Variants in LRRC7 observed in about 807,000 individuals in gnomAD.
The protein encoded by LRRC7 is leucine-rich repeat-containing protein 7.
In LRRC7, 23 loss-of-function variants were observed where a neutral mutation model predicts 175.7. That is an observed-to-expected ratio of 0.13 (90% CI 0.09 to 0.19). The LOEUF (loss-of-function observed/expected upper bound fraction) is 0.19. LRRC7 is among the 10% of genes least tolerant of loss of function. The pLI, the probability that LRRC7 is intolerant of heterozygous loss-of-function variation, is 1.00. For missense variants in LRRC7, 1,354 were observed against 1,904.7 expected (o/e 0.71, Z 5.38); for synonymous variants, 685 against 680.9 (o/e 1.01, Z -0.09).
At chr1:69,935,136 G>A (rs1453451590) in intron 8 of LRRC7, among the ~76,000 whole-genome samples, 1 of 152,152 alleles carries the variant, frequency 6.6e-6, no homozygotes, top group Non-Finnish European at 1.5e-5. Flanking sequence ...GTGGCAATGG[G>A]TAGCAGGGAA....
chr1:69,821,795 T>C (rs1252258612), intron 4 of LRRC7, among the ~76,000 whole-genome samples: 5 of 152,056 alleles, frequency 3.3e-5, no homozygotes, highest in Non-Finnish European at 7.4e-5. Flanking sequence ...CTCGGGAGGC[T>C]GAGGCAGGAT....
intron 9 of LRRC7, among the ~76,000 whole-genome samples, chr1:69,982,020 G>A (rs2101890820): frequency 6.6e-6 from 1 of 152,310 alleles, no homozygotes; most frequent in East Asian, 1.9e-4. Context: ...GCTGTTGACT[G>A]TAAAGCTCCC....
chr1:69,810,820 C>T (rs1437710309), intron 4 of LRRC7, among the ~76,000 whole-genome samples: 3 of 152,100 alleles, frequency 2.0e-5, no homozygotes, highest in African/African-American at 7.2e-5. Context: ...CATAAAAACC[C>T]TAGAAGAAAA....
At chr1:69,932,089 C>A (rs1300641427) in intron 8 of LRRC7, among the ~76,000 whole-genome samples, 3 of 152,306 alleles carry the variant, frequency 2.0e-5, no homozygotes, top group Non-Finnish European at 2.9e-5. Flanking sequence ...GCAAGACTGG[C>A]AGAATTCTGC....
At chr1:70,106,146 A>G (rs1029150906) in intron 25 of LRRC7, among the ~76,000 whole-genome samples, 11 of 152,348 alleles carry the variant, frequency 7.2e-5, no homozygotes, top group Admixed American at 5.9e-4. Context: ...ATAAAAAACT[A>G]TTAACAGTTA....
intron 8 of LRRC7, among the ~76,000 whole-genome samples, chr1:69,945,843 C>A (rs963467549): frequency 1.3e-5 from 2 of 152,124 alleles, no homozygotes; most frequent in African/African-American, 4.8e-5. Context: ...TTGTATCCCA[C>A]AACTTTACTG....
chr1:70,138,468 G>T lies in LRRC7; in HGVS notation c.*16581G>T, dbSNP rs572785897. ...TAGAAAGCAATAAATATTCTAAAAT[G>T]AGGGATATTGGTCCTTTTGTGACTG... On this transcript the variant is annotated 3_prime_UTR_variant, in exon 27 of 27. Transcript: ENST00000651989. 13 of 152,238 alleles carry T rather than the reference G, an allele frequency of 8.5e-5. No individual in the cohort carries two copies. In the South Asian group the frequency reaches 2.5e-3, roughly 29 times the overall value. The allele number at this position is 152,238 out of a possible 1,614,324, so 9.4% of individuals were successfully genotyped here. A position where few individuals can be genotyped will look rare whatever the true frequency, so the allele number is the denominator to read the frequency against.
At position 69,816,500 on chromosome 1, in the gene LRRC7, G is replaced by T. The variant is rs74609314; in HGVS notation, c.422-9248G>T. 2.9e-3 allele frequency among the ~76,000 whole-genome samples: 444 copies of T among 152,208 alleles called. 9 individuals are homozygous for T. The East Asian group carries it at 0.052, about 18-fold the overall frequency. On this transcript the variant is annotated intron_variant, in intron 4 of 26. Coordinates refer to ENST00000651989, the MANE Select transcript of LRRC7 (RefSeq NM_001370785.2). ...CCAAAAGTTGTTTTAGCAATTGCAT[G>T]GTTTTATGGGCATTTCTTATCTCTA...
intron 4 of LRRC7, among the ~76,000 whole-genome samples, chr1:69,821,060 G>T (rs1258404727): frequency 6.6e-6 from 1 of 152,148 alleles, no homozygotes; most frequent in Admixed American, 6.5e-5. Context: ...CATTCTAACT[G>T]GTGTGAGACA....
intron 2 of LRRC7, among the ~76,000 whole-genome samples, chr1:69,725,586 A>G (rs757899015): frequency 3.9e-5 from 6 of 152,240 alleles, no homozygotes; most frequent in Admixed American, 1.3e-4. Flanking sequence ...CAGATTCTGT[A>G]TAGGTACGAA....
intron 1 of LRRC7, among the ~76,000 whole-genome samples, chr1:69,603,445 CA>C (rs1647162546): frequency 6.6e-6 from 1 of 152,234 alleles, no homozygotes; most frequent in South Asian, 2.1e-4. Flanking sequence ...AAGTATTTTG[CA>C]AATAATTTAG....
chr1:69,803,103 G>A (rs1676712932), intron 4 of LRRC7, among the ~76,000 whole-genome samples: 1 of 151,180 alleles, frequency 6.6e-6, no homozygotes, highest in Non-Finnish European at 1.5e-5. Flanking sequence ...TATTCATCCT[G>A]CTCCATTGCC....
At position 70,039,743 on chromosome 1, in the gene LRRC7, G is replaced by C; in HGVS notation, c.3919G>C (p.Asp1307His). The C allele has an allele frequency of 6.2e-7, 1 of 1,612,876 alleles. No individual in the cohort carries two copies. The highest frequency in any genetic ancestry group is 8.5e-7 in the Non-Finnish European group (1 of 1,179,504). ...GEESCGKMPA[D>H]WRQQLLRHIE... ...GGAGAGCTGTGGTAAAATGCCTGCA[G>C]ACTGGAGACAACAGCTGCTTAGACA... The change falls in exon 21 of 27, where the codon GAC (aspartate) becomes CAC (histidine). Residue 1307 changes from aspartate to histidine, a missense_variant. By Grantham distance (81) the Asp-to-His change is moderately conservative. Coordinates refer to ENST00000651989, the MANE Select transcript of LRRC7 (RefSeq NM_001370785.2).
intron 4 of LRRC7, among the ~76,000 whole-genome samples, chr1:69,823,855 A>G (rs1353558412): frequency 1.3e-5 from 2 of 152,132 alleles, no homozygotes; most frequent in Non-Finnish European, 2.9e-5. Flanking sequence ...TCATATAATC[A>G]CTATTTTTCA....
In LRRC7 at chr1:70,124,002, CTTCT is replaced by C. The variant is rs1351623276; in HGVS notation, c.*2116_*2119del. ...ATCAAACCCAGGGCTTCAGGAGATC[CTTCT>C]AAGACACACAGCTGAAAGGATCATA... On this transcript the variant is annotated 3_prime_UTR_variant, in exon 27 of 27. Transcript: ENST00000651989. Among the ~76,000 whole-genome samples, 2 of 152,180 alleles carry C rather than the reference CTTCT, an allele frequency of 1.3e-5. No individual in the cohort carries two copies. Among genetic ancestry groups the C allele is most frequent in the Non-Finnish European group, 2.9e-5 (2 of 68,014 alleles).
Position 69,956,284 on chromosome 1 carries a change from T to A in LRRC7, c.712-24095T>A, listed in dbSNP as rs1010213226. ...CTCTGTCCATTAACCTATATCAACA[T>A]TTTGTCTGAGATAATATTATAGTAA... is the stretch of plus-strand genomic sequence containing the variant. On this transcript the variant is annotated intron_variant, in intron 8 of 26. Coordinates refer to ENST00000651989, the MANE Select transcript of LRRC7 (RefSeq NM_001370785.2). 4.6e-5 allele frequency among the ~76,000 whole-genome samples: 7 copies of A among 151,882 alleles called. No individual in the cohort carries two copies. The Admixed American group carries it at 4.6e-4, about 10-fold the overall frequency.
chr1:69,625,434 TAA>T (rs1651343017), intron 1 of LRRC7, among the ~76,000 whole-genome samples: 1 of 148,238 alleles, frequency 6.7e-6, no homozygotes, highest in Non-Finnish European at 1.5e-5. Flanking sequence ...TGGGTTTTAT[TAA>T]TTATCTGCAC....
chr1:69,942,316 C>T (rs1000679401), intron 8 of LRRC7, among the ~76,000 whole-genome samples: 2 of 151,962 alleles, frequency 1.3e-5, no homozygotes, highest in South Asian at 2.1e-4. Flanking sequence ...CACCATAGGA[C>T]GTGATAGAAA....
chr1:69,692,144 A>T (rs1661970394), intron 2 of LRRC7, among the ~76,000 whole-genome samples: 1 of 152,040 alleles, frequency 6.6e-6, no homozygotes, highest in Non-Finnish European at 1.5e-5. Context: ...TTTTTGGGGA[A>T]CTCCTGCTAC....
Sources: allele counts gnomAD v4.1 joint callset (sites outside exome capture counted in the v4.1 genomes callset), GRCh38; gene constraint gnomAD v4.1.1; transcripts MANE v1.5; gene names NCBI Gene and HGNC (gene_info 2026-07-23, HGNC 2026-07-21).